Variants in KPNA1 observed in about 807,000 individuals in gnomAD.
KPNA1 encodes the protein importin subunit alpha-5.
A neutral mutation model predicts 70.5 loss-of-function variants in KPNA1; 10 were observed. The ratio of observed to expected loss-of-function variants is 0.14; its 90% confidence interval spans 0.09 to 0.24. The LOEUF (loss-of-function observed/expected upper bound fraction) is 0.24. Among genes scored for constraint, KPNA1 ranks in the 10% least tolerant of loss-of-function variants. KPNA1 has a pLI of 1.00. For missense variants in KPNA1, 397 were observed against 637.9 expected, an observed-to-expected ratio of 0.62 and a Z score of 4.07; for synonymous variants, 192 against 221.9, an observed-to-expected ratio of 0.87 and a Z score of 1.20.
intron 2 of KPNA1, among the ~76,000 whole-genome samples, chr3:122,482,337 T>C (rs1405000528): frequency 2.6e-5 from 4 of 152,222 alleles, no homozygotes; most frequent in Admixed American, 1.3e-4. Context: ...ATGTGCTCCA[T>C]AGCTGATGGA....
Position 122,496,537 on chromosome 3 carries a change from C to A in KPNA1, c.29G>T (p.Arg10Leu). Residue 10 changes from arginine (R) to leucine (L), a missense_variant, in exon 2 of 14, where the codon CGC becomes CTC. Coordinates refer to ENST00000344337, the MANE Select transcript of KPNA1 (RefSeq NM_002264.4). MTTPGKENF[R>L]LKSYKNKSLN... ...AGATTTGTTCTTGTAACTTTTCAGG[C>A]GAAAGTTCTCTTTTCCTGGGGTGGT... The A allele has an allele frequency of 6.2e-7, 1 of 1,613,652 alleles. No individual in the cohort carries two copies. The highest frequency in any genetic ancestry group is 8.5e-7 in the Non-Finnish European group (1 of 1,179,700).
intron 11 of KPNA1, among the ~76,000 whole-genome samples, chr3:122,434,817 A>C (rs1015346338): frequency 6.6e-6 from 1 of 152,202 alleles, no homozygotes; most frequent in Non-Finnish European, 1.5e-5. Context: ...CATTTCCTAC[A>C]TTAAGAAACT....
At chr3:122,431,346 A>G (rs1312618004) in intron 12 of KPNA1, among the ~76,000 whole-genome samples, 1 of 152,084 alleles carries the variant, frequency 6.6e-6, no homozygotes, top group Non-Finnish European at 1.5e-5. Context: ...TTGTAGAGAC[A>G]AGGTTTCTCC....
intron 2 of KPNA1, among the ~76,000 whole-genome samples, chr3:122,488,836 T>C (rs2076660576): frequency 6.6e-6 from 1 of 152,252 alleles, no homozygotes; most frequent in Admixed American, 6.5e-5. Flanking sequence ...AGTTTGGCTA[T>C]GATATGCCAT....
intron 2 of KPNA1, 118 bp downstream of exon 2, chr3:122,496,319 A>AC: frequency 6.8e-6 from 3 of 439,332 alleles, no homozygotes; most frequent in Non-Finnish European, 1.2e-5. Flanking sequence ...AGAAGGGGAA[A>AC]ACACACACAC....
intron 2 of KPNA1, among the ~76,000 whole-genome samples, chr3:122,477,934 C>CG (rs1326243887): frequency 6.7e-6 from 1 of 150,364 alleles, no homozygotes; most frequent in Non-Finnish European, 1.5e-5. Flanking sequence ...GTGGTCAAGG[C>CG]GGGGGGATCA....
At chr3:122,505,955 G>T (rs1316360605) in intron 1 of KPNA1, among the ~76,000 whole-genome samples, 2 of 152,138 alleles carry the variant, frequency 1.3e-5, no homozygotes, top group Non-Finnish European at 1.5e-5. Flanking sequence ...CCTTTTCACT[G>T]TATCACTTCA....
At chr3:122,458,999 C>T (rs56118506) in intron 5 of KPNA1, among the ~76,000 whole-genome samples, 20,266 of 152,154 alleles carry the variant, frequency 0.13, 1,428 homozygotes, top group Middle Eastern at 0.27. Context: ...GTTATCACTT[C>T]CGGAGGAATC....
chr3:122,445,923 G>A (rs1204623735), intron 9 of KPNA1, among the ~76,000 whole-genome samples: 1 of 152,114 alleles, frequency 6.6e-6, no homozygotes, highest in African/African-American at 2.4e-5. Flanking sequence ...AAGAGACAAA[G>A]AAAGCCATTA....
At chr3:122,495,187 T>C (rs1429967526) in intron 2 of KPNA1, among the ~76,000 whole-genome samples, 1 of 141,512 alleles carries the variant, frequency 7.1e-6, no homozygotes. Context: ...GAGGTGGAGG[T>C]TGCAGCGAGC....
chr3:122,459,427 A>C, intron 5 of KPNA1: 1 of 985,418 alleles, frequency 1.0e-6, no homozygotes, highest in Non-Finnish European at 1.2e-6. Flanking sequence ...TGAACAAAAT[A>C]ATTTTCCCTA....
Position 122,459,658 on chromosome 3 carries a change from C to T in KPNA1, c.432+1566G>A, listed in dbSNP as rs1373091435. 4 of 985,180 alleles carry T rather than the reference C, an allele frequency of 4.1e-6. No homozygotes were observed. In the Admixed American group the frequency reaches 2.5e-4, roughly 61 times the overall value. The allele number at this position is 985,180 out of a possible 1,614,324, so 61.0% of individuals were successfully genotyped here. ...TGATGATCCTGGCCTTAGATGGGGA[C>T]CAGAATTACAATCCAGGAGGCAGCT... On this transcript the variant is annotated intron_variant, in intron 5 of 13. Coordinates refer to ENST00000344337, the MANE Select transcript of KPNA1 (RefSeq NM_002264.4).
chr3:122,469,784 A>G (rs1248620923), intron 2 of KPNA1, among the ~76,000 whole-genome samples: 2 of 151,874 alleles, frequency 1.3e-5, no homozygotes, highest in Non-Finnish European at 2.9e-5. Context: ...CCTAAAAGAC[A>G]AGGGTAAAAA....
At chr3:122,427,209 C>T in intron 13 of KPNA1, 37 bp from the exon 14 acceptor site, 1 of 1,448,188 alleles carries the variant, frequency 6.9e-7, no homozygotes, top group Non-Finnish European at 9.6e-7. Context: ...TTATTGAAAA[C>T]TTCAATAAAT....
At chr3:122,463,841 A>G (rs375845296) in intron 4 of KPNA1, 101 bp downstream of exon 4, 1 of 520,484 alleles carries the variant, frequency 1.9e-6, no homozygotes, top group East Asian at 3.0e-5. Flanking sequence ...TTTATTGATA[A>G]AAATACTCCA....
intron 10 of KPNA1, 99 bp downstream of exon 10, chr3:122,441,939 T>C (rs188113446): frequency 2.1e-6 from 2 of 931,760 alleles, no homozygotes; most frequent in Non-Finnish European, 3.5e-6. Context: ...GTATCAAGTT[T>C]CCCTAATAAT....
At chr3:122,429,352 G>A (rs931542128) in intron 12 of KPNA1, among the ~76,000 whole-genome samples, 1 of 150,262 alleles carries the variant, frequency 6.7e-6, no homozygotes, top group African/African-American at 2.5e-5. Context: ...TTGGGAGGCT[G>A]AGGCAGAATT....
intron 3 of KPNA1, among the ~76,000 whole-genome samples, chr3:122,466,706 T>C (rs2076384207): frequency 6.6e-6 from 1 of 152,168 alleles, no homozygotes; most frequent in Non-Finnish European, 1.5e-5. Context: ...AATCATTATT[T>C]TCTTTAAAGT....
At chr3:122,454,058 T>G in intron 5 of KPNA1, 57 bp from the exon 6 acceptor site, 1 of 1,241,564 alleles carries the variant, frequency 8.1e-7, no homozygotes, top group Non-Finnish European at 1.1e-6. Flanking sequence ...TTTGTTTACT[T>G]ATAACAGTAA....
Sources: gnomAD v4.1 joint callset for allele counts (sites outside exome capture counted in the v4.1 genomes callset) on GRCh38, gnomAD v4.1.1 for gene constraint, MANE v1.5 for transcripts, NCBI Gene and HGNC (gene_info 2026-07-23, HGNC 2026-07-21) for gene names.